Variants in CEP170 observed in about 807,000 individuals in gnomAD.
CEP170 encodes centrosomal protein of 170 kDa.
CEP170 carries 21 observed loss-of-function variants against 151.9 expected under a neutral mutation model. The observed-to-expected ratio is 0.14, with a 90% CI of 0.10 to 0.20. The LOEUF is 0.20. Ranked by LOEUF, CEP170 falls within the 10% of genes least tolerant of loss-of-function variation. CEP170 has a pLI of 1.00. For synonymous variants in CEP170, 356 were observed against 648.8 expected, an observed-to-expected ratio of 0.55 and a Z score of 6.86; for missense variants, 964 against 1,892.9, an observed-to-expected ratio of 0.51 and a Z score of 9.11.
intron 2 of CEP170, among the ~76,000 whole-genome samples, chr1:243,224,232 A>T (rs1424178212): frequency 6.6e-6 from 1 of 152,202 alleles, no homozygotes; most frequent in South Asian, 2.1e-4. Flanking sequence ...TTCTGATACT[A>T]ATGGGAAAAC....
chr1:243,189,573 AAT>A (rs2060175180), intron 8 of CEP170, among the ~76,000 whole-genome samples: 1 of 151,714 alleles, frequency 6.6e-6, no homozygotes, highest in African/African-American at 2.4e-5. Context: ...AAAAAAAAAA[AAT>A]AGTAGTAATA....
At chr1:243,235,366 A>C (rs1384009968) in intron 1 of CEP170, among the ~76,000 whole-genome samples, 8 of 152,200 alleles carry the variant, frequency 5.3e-5, no homozygotes. Context: ...ACACATAATG[A>C]AATATACTCT....
intron 1 of CEP170, among the ~76,000 whole-genome samples, chr1:243,239,347 C>T (rs1558684450): frequency 6.6e-6 from 1 of 152,082 alleles, no homozygotes; most frequent in Non-Finnish European, 1.5e-5. Context: ...TTCTTTGTGC[C>T]TTTCCTCTTA....
chr1:243,174,779 A>G (rs2059114269), intron 10 of CEP170, among the ~76,000 whole-genome samples: 1 of 152,156 alleles, frequency 6.6e-6, no homozygotes, highest in South Asian at 2.1e-4. Context: ...GCTTAACATT[A>G]GCGTTAAGTT....
chr1:243,157,945 A>G (rs1172790166), intron 13 of CEP170, among the ~76,000 whole-genome samples: 1 of 152,248 alleles, frequency 6.6e-6, no homozygotes, highest in Admixed American at 6.5e-5. Flanking sequence ...GCTCTCTGTA[A>G]AAGTGTATGC....
chr1:243,187,611 T>C (rs181454436), intron 8 of CEP170, among the ~76,000 whole-genome samples: 11 of 152,296 alleles, frequency 7.2e-5, no homozygotes, highest in Admixed American at 2.6e-4. Context: ...CTGAATAATA[T>C]GGTACCAAAC....
chr1:243,207,359 T>A (rs2061491870), intron 4 of CEP170, among the ~76,000 whole-genome samples: 1 of 152,216 alleles, frequency 6.6e-6, no homozygotes. Context: ...CCAGGTTGTC[T>A]ATGCAACTAA....
intron 10 of CEP170, among the ~76,000 whole-genome samples, chr1:243,175,744 T>C (rs1437291981): frequency 6.6e-6 from 1 of 152,190 alleles, no homozygotes; most frequent in East Asian, 1.9e-4. Flanking sequence ...AATTACCAAC[T>C]ATCTAGACTG....
At chr1:243,206,618 G>A (rs1448356146) in intron 4 of CEP170, among the ~76,000 whole-genome samples, 2 of 152,178 alleles carry the variant, frequency 1.3e-5, no homozygotes, top group African/African-American at 2.4e-5. Context: ...TGGAAGGTTC[G>A]TGGGTTTCAG....
At chr1:243,180,052 C>T (rs1044405134) in intron 10 of CEP170, among the ~76,000 whole-genome samples, 3 of 152,096 alleles carry the variant, frequency 2.0e-5, no homozygotes, top group Non-Finnish European at 4.4e-5. Flanking sequence ...ACATTTTAAA[C>T]GTATTTAATA....
intron 3 of CEP170, among the ~76,000 whole-genome samples, chr1:243,215,565 A>G (rs1465338376): frequency 6.6e-6 from 1 of 152,146 alleles, no homozygotes; most frequent in Non-Finnish European, 1.5e-5. Flanking sequence ...AGGACGAGGA[A>G]ATTCCCACCT....
At chr1:243,177,395 C>T (rs1177581297) in intron 10 of CEP170, among the ~76,000 whole-genome samples, 3 of 152,202 alleles carry the variant, frequency 2.0e-5, no homozygotes, top group African/African-American at 7.2e-5. Flanking sequence ...CATCTAACTT[C>T]TACAATCTTA....
In CEP170 at chr1:243,222,388, C is replaced by T. The variant is rs560550937; in HGVS notation, c.106-575G>A. Among the ~76,000 whole-genome samples the T allele has an allele frequency of 1.3e-4, 20 of 152,272 alleles. 1 individual carries two copies. The South Asian group carries it at 4.1e-3, about 32-fold the overall frequency. ...AAAAGAAAGGTATTTTAATGGCAAACTGTGGTTTTTGAAAATTGCTTTTAA... is the reference window on the plus strand; with the variant it reads ...AAAAGAAAGGTATTTTAATGGCAAATTGTGGTTTTTGAAAATTGCTTTTAA... On this transcript the variant is annotated intron_variant, in intron 2 of 19. Transcript: ENST00000366542.
chr1:243,162,570 A>G (rs996803333), intron 13 of CEP170, among the ~76,000 whole-genome samples: 9 of 152,220 alleles, frequency 5.9e-5, no homozygotes, highest in Non-Finnish European at 1.2e-4. Flanking sequence ...GCAGAAAATG[A>G]AATCTGTCTT....
chr1:243,246,693 A>C (rs780700819), intron 1 of CEP170, among the ~76,000 whole-genome samples: 1 of 152,194 alleles, frequency 6.6e-6, no homozygotes, highest in Non-Finnish European at 1.5e-5. Context: ...ACAAGAATAC[A>C]TAACAGGGTT....
chr1:243,223,011 A>C (rs935584632), intron 2 of CEP170, among the ~76,000 whole-genome samples: 1 of 152,074 alleles, frequency 6.6e-6, no homozygotes, highest in African/African-American at 2.4e-5. Context: ...CATTACTTTG[A>C]ATTTTTATTC....
At chr1:243,150,854 C>T (rs1217368302) in intron 14 of CEP170, among the ~76,000 whole-genome samples, 5 of 152,300 alleles carry the variant, frequency 3.3e-5, no homozygotes, top group Non-Finnish European at 5.9e-5. Flanking sequence ...GGCACCATTA[C>T]GTCCATTTTA....
intron 14 of CEP170, among the ~76,000 whole-genome samples, chr1:243,147,446 T>C (rs1257192046): frequency 6.6e-6 from 1 of 152,240 alleles, no homozygotes; most frequent in Non-Finnish European, 1.5e-5. Context: ...ATGCCTTTCA[T>C]ACAGATGTGT....
rs747106206 is a variant in CEP170, at chr1:243,139,960, G to A, written c.4207C>T (p.Arg1403Trp). The change falls in exon 16 of 20, where the codon CGG becomes TGG. Residue 1403 changes from arginine to tryptophan, a missense_variant. By Grantham distance (101) the Arg-to-Trp change is moderately radical. Coordinates refer to ENST00000366542, the MANE Select transcript of CEP170 (RefSeq NM_014812.3). ...EPPDHLTITR[R>W]RTWSRDEVMG... ...ACTTCATCCCTGCTCCAGGTTCTCC[G>A]CCTTGTAATTGTTAAGTGATCGGGA... The A allele has an allele frequency of 1.2e-6, 2 of 1,611,934 alleles. No individual in the cohort carries two copies. Among genetic ancestry groups the A allele is most frequent in the Non-Finnish European group, 1.7e-6 (2 of 1,178,520 alleles).
Sources: gnomAD v4.1 joint callset for allele counts (sites outside exome capture counted in the v4.1 genomes callset) on GRCh38, gnomAD v4.1.1 for gene constraint, MANE v1.5 for transcripts, NCBI Gene and HGNC (gene_info 2026-07-23, HGNC 2026-07-21) for gene names.